Variants in SMCO2 observed in about 807,000 individuals in gnomAD.
The protein encoded by SMCO2 is single-pass membrane and coiled-coil domain-containing protein 2.
Under a neutral mutation model 29.5 loss-of-function variants are expected in SMCO2, and 25 were observed. The ratio of observed to expected loss-of-function variants is 0.85; its 90% CI spans 0.62 to 1.18. The LOEUF is 1.18. Among genes scored for constraint, SMCO2 ranks in the 50% most tolerant of loss-of-function variants. SMCO2 has a pLI of 0.00. For missense variants in SMCO2, 348 were observed against 344.5 expected, an observed-to-expected ratio of 1.01 and a Z score of -0.08; for synonymous variants, 117 against 123.3, an observed-to-expected ratio of 0.95 and a Z score of 0.34.
chr12:27,468,048 A>G (rs1949511734), intron 1 of SMCO2, among the ~76,000 whole-genome samples: 1 of 152,162 alleles, frequency 6.6e-6, no homozygotes, highest in African/African-American at 2.4e-5. Flanking sequence ...GTTAAGCACA[A>G]TTTTACTCCT....
chr12:27,492,452 C>A (rs1355446553), intron 5 of SMCO2, among the ~76,000 whole-genome samples: 1 of 152,134 alleles, frequency 6.6e-6, no homozygotes, highest in Admixed American at 6.5e-5. Flanking sequence ...AATCCCAGCA[C>A]TTTGGGGGGC....
chr12:27,496,093 C>A (rs1942998545), intron 7 of SMCO2, among the ~76,000 whole-genome samples: 1 of 149,954 alleles, frequency 6.7e-6, no homozygotes, highest in African/African-American at 2.5e-5. Flanking sequence ...TCAGATAAAT[C>A]TAAAGATTTA....
the SMCO2 span, among the ~76,000 whole-genome samples, chr12:27,437,031 C>A: frequency 1.3e-5 from 2 of 152,176 alleles, no homozygotes; most frequent in Admixed American, 1.3e-4. Context: ...CACATTGTTA[C>A]ATTAGCTGAA....
intron 7 of SMCO2, among the ~76,000 whole-genome samples, chr12:27,501,415 CAAAAAA>C (rs540673188): frequency 8.2e-5 from 7 of 85,864 alleles, no homozygotes; most frequent in Non-Finnish European, 1.3e-4. Flanking sequence ...GACTCCGTCT[CAAAAAA>C]AAAAAAAAAA....
At chr12:27,458,203 A>C in the SMCO2 span, among the ~76,000 whole-genome samples, 1 of 152,182 alleles carries the variant, frequency 6.6e-6, no homozygotes, top group East Asian at 1.9e-4. Context: ...TTATTAAAAA[A>C]CATTACTTTC....
intron 5 of SMCO2, chr12:27,493,825 A>G (rs1197630565): frequency 6.6e-6 from 1 of 152,378 alleles, no homozygotes; most frequent in East Asian, 1.9e-4. Flanking sequence ...ATGGGAAGAG[A>G]AGAAGAGGAA....
chr12:27,470,760 G>A, exon 2 of SMCO2: 7 of 1,550,566 alleles, frequency 4.5e-6, no homozygotes, highest in Non-Finnish European at 6.1e-6. Flanking sequence ...AAGGTGCAAT[G>A]CAGGAGTAAG....
At chr12:27,453,616 G>A in the SMCO2 span, among the ~76,000 whole-genome samples, 6 of 152,244 alleles carry the variant, frequency 3.9e-5, no homozygotes, top group East Asian at 3.9e-4. Flanking sequence ...AATGTTGGCC[G>A]ATATGGTTGC....
chr12:27,477,014 A>G (rs1402150906), intron 4 of SMCO2, among the ~76,000 whole-genome samples: 1 of 151,992 alleles, frequency 6.6e-6, no homozygotes, highest in Non-Finnish European at 1.5e-5. Context: ...TTGTATATCT[A>G]TTCTATCAGT....
At chr12:27,425,951 G>T in the SMCO2 span, among the ~76,000 whole-genome samples, 1 of 152,140 alleles carries the variant, frequency 6.6e-6, no homozygotes. Context: ...GAATTAAAAT[G>T]TTAGGAAGGG....
the SMCO2 span, among the ~76,000 whole-genome samples, chr12:27,432,579 G>A: frequency 2.6e-5 from 4 of 152,176 alleles, no homozygotes; most frequent in Admixed American, 2.6e-4. Context: ...GATAGCATTT[G>A]TACCATATCC....
the SMCO2 span, among the ~76,000 whole-genome samples, chr12:27,426,534 A>G: frequency 6.6e-6 from 1 of 152,212 alleles, no homozygotes; most frequent in Non-Finnish European, 1.5e-5. Context: ...TTTAGTGAGG[A>G]TTAAATTAGC....
chr12:27,484,831 G>A (rs528658), intron 4 of SMCO2, among the ~76,000 whole-genome samples: 18,054 of 128,338 alleles, frequency 0.14, 2,195 homozygotes, highest in African/African-American at 0.33. Context: ...CCAGCCTGGC[G>A]ACAGAGTAAG....
the SMCO2 span, among the ~76,000 whole-genome samples, chr12:27,456,334 C>T: frequency 6.6e-6 from 1 of 152,218 alleles, no homozygotes; most frequent in Non-Finnish European, 1.5e-5. Context: ...ATAGTGATAC[C>T]TCTGGGGTGA....
intron 4 of SMCO2, among the ~76,000 whole-genome samples, chr12:27,479,904 G>A (rs979704648): frequency 6.6e-6 from 1 of 152,148 alleles, no homozygotes; most frequent in African/African-American, 2.4e-5. Context: ...CTAGCAGCAT[G>A]AGAATAGACT....
intron 5 of SMCO2, among the ~76,000 whole-genome samples, chr12:27,493,304 C>A (rs540429312): frequency 4.6e-5 from 7 of 152,040 alleles, no homozygotes; most frequent in African/African-American, 1.4e-4. Flanking sequence ...GTGTGACAAA[C>A]CTTCACATGT....
intron 7 of SMCO2, chr12:27,497,299 G>A (rs1943018553): frequency 6.5e-6 from 1 of 154,648 alleles, no homozygotes; most frequent in Non-Finnish European, 1.4e-5. Flanking sequence ...ATGATGCTCT[G>A]GACATCTCTT....
At chr12:27,451,729 T>C in the SMCO2 span, among the ~76,000 whole-genome samples, 3 of 152,312 alleles carry the variant, frequency 2.0e-5, no homozygotes, top group Admixed American at 6.5e-5. Context: ...CACATTTATT[T>C]GGGGGTTGCA....
the SMCO2 span, among the ~76,000 whole-genome samples, chr12:27,444,792 A>G: frequency 6.6e-6 from 1 of 152,192 alleles, no homozygotes; most frequent in African/African-American, 2.4e-5. Flanking sequence ...TGCTCAACAC[A>G]CTAAAGATAG....
Sources: allele counts gnomAD v4.1 joint callset (sites outside exome capture counted in the v4.1 genomes callset), GRCh38; gene constraint gnomAD v4.1.1; transcripts MANE v1.5; gene names NCBI Gene and HGNC (gene_info 2026-07-23, HGNC 2026-07-21).